The following HECW2 variants were observed in gnomAD, a reference collection of about 807,000 sequenced individuals.
HECW2 encodes E3 ubiquitin-protein ligase HECW2.
A neutral mutation model predicts 175.2 loss-of-function variants in HECW2; 61 were observed. The observed-to-expected ratio is 0.35, with a 90% CI of 0.28 to 0.43. The LOEUF (loss-of-function observed/expected upper bound fraction) is 0.43. Ranked by LOEUF, HECW2 falls within the 20% of genes least tolerant of loss-of-function variation. The probability of loss-of-function intolerance (pLI) is 1.00; values close to 1 mark genes in which losing one functional copy is unlikely to be tolerated. For synonymous variants in HECW2, 671 were observed against 731.0 expected (o/e 0.92, Z 1.32); for missense variants, 1,524 against 2,000.5 (o/e 0.76, Z 4.54).
At chr2:196,588,797 G>A (rs560693201) in intron 1 of HECW2, among the ~76,000 whole-genome samples, 1 of 152,264 alleles carries the variant, frequency 6.6e-6, no homozygotes, top group South Asian at 2.1e-4. Flanking sequence ...TCCTGGCACA[G>A]TCTCAGTTTA....
intron 28 of HECW2, among the ~76,000 whole-genome samples, chr2:196,203,560 A>G (rs1427818610): frequency 6.6e-6 from 1 of 152,174 alleles, no homozygotes; most frequent in Non-Finnish European, 1.5e-5. Flanking sequence ...ATGACACCAC[A>G]ATACTATTTT....
At chr2:196,435,492 T>TA (rs1403515643) in intron 1 of HECW2, among the ~76,000 whole-genome samples, 4 of 152,206 alleles carry the variant, frequency 2.6e-5, no homozygotes, top group African/African-American at 9.7e-5. Flanking sequence ...ATAACTAAAC[T>TA]ACTTCCCTGA....
intron 1 of HECW2, among the ~76,000 whole-genome samples, chr2:196,490,299 CATTTT>C (rs1309920080): frequency 3.3e-5 from 5 of 152,206 alleles, no homozygotes; most frequent in African/African-American, 1.2e-4. Context: ...TCTTTCCCTC[CATTTT>C]ATTTTCTCTC....
Position 196,438,173 on chromosome 2 carries a change from G to A in HECW2, c.-35-4715C>T, listed in dbSNP as rs373472525. The stretch of plus-strand genomic sequence containing the variant: ...GAGAATGAAGATGTAGGAAAGAGAG[G>A]AGACATAGTACAGAGCATGGCTACT... On this transcript the variant is annotated intron_variant, in intron 1 of 28. Coordinates refer to ENST00000644978, the MANE Select transcript of HECW2 (RefSeq NM_001348768.2). 9.1e-4 allele frequency among the ~76,000 whole-genome samples: 139 copies of A among 152,188 alleles called. 2 individuals carry two copies. In the Middle Eastern group the frequency reaches 0.024, roughly 26 times the overall value.
intron 1 of HECW2, among the ~76,000 whole-genome samples, chr2:196,455,058 G>A (rs774906220): frequency 6.4e-4 from 95 of 147,694 alleles, no homozygotes; most frequent in Non-Finnish European, 1.1e-3. Context: ...TTTTTGAGAC[G>A]GAGTCTCACT....
intron 28 of HECW2, 118 bp downstream of exon 28, chr2:196,215,747 A>G: frequency 1.5e-6 from 1 of 685,110 alleles, no homozygotes; most frequent in Non-Finnish European, 2.4e-6. Flanking sequence ...AATTCATTCT[A>G]AGAGCTTTTC....
chr2:196,592,790 G>C (rs1230686799), intron 1 of HECW2: 1 of 151,612 alleles, frequency 6.6e-6, no homozygotes, highest in Non-Finnish European at 1.5e-5. Flanking sequence ...TGCGCCCGTC[G>C]CCACAAGCTG....
At chr2:196,487,147 T>TAA (rs375017365) in intron 1 of HECW2, among the ~76,000 whole-genome samples, 149 of 123,884 alleles carry the variant, frequency 1.2e-3, no homozygotes, top group Middle Eastern at 4.1e-3. Context: ...AGACTCTGCC[T>TAA]AAAAAAAAAA....
chr2:196,377,771 A>G (rs1694092985), intron 2 of HECW2, among the ~76,000 whole-genome samples: 1 of 152,246 alleles, frequency 6.6e-6, no homozygotes, highest in African/African-American at 2.4e-5. Context: ...TCATGCAATA[A>G]CAATTGCAAC....
chr2:196,576,077 T>C (rs1449384224), intron 1 of HECW2, among the ~76,000 whole-genome samples: 18 of 149,160 alleles, frequency 1.2e-4, no homozygotes, highest in Admixed American at 1.2e-3. Context: ...TAACACCATA[T>C]TTTTACTATA....
At chr2:196,491,146 C>A (rs1282052779) in intron 1 of HECW2, among the ~76,000 whole-genome samples, 1 of 151,920 alleles carries the variant, frequency 6.6e-6, no homozygotes, top group Non-Finnish European at 1.5e-5. Flanking sequence ...AGTGTGAGTA[C>A]ACAGACCATT....
In HECW2 at chr2:196,199,002, A is replaced by G. The variant is rs1686773470; in HGVS notation, c.*2275T>C. On this transcript the variant is annotated 3_prime_UTR_variant, in exon 29 of 29. Transcript: ENST00000644978. ...TAAAGAAATATATTTGTTAGAAATAATTAAAGAGATACATTTTATTTCAAA... is the reference window on the plus strand; with the variant it reads ...TAAAGAAATATATTTGTTAGAAATAGTTAAAGAGATACATTTTATTTCAAA... The G allele has an allele frequency of 6.6e-6, 1 of 152,216 alleles. No homozygotes were observed. The highest frequency in any genetic ancestry group is 2.4e-5 in the African/African-American group (1 of 41,466). 9.4% of individuals were successfully genotyped at this position (152,216 alleles called of 1,614,324 possible).
At chr2:196,496,827 C>T (rs1559143382) in intron 1 of HECW2, among the ~76,000 whole-genome samples, 1 of 152,172 alleles carries the variant, frequency 6.6e-6, no homozygotes, top group Non-Finnish European at 1.5e-5. Context: ...GTTACTCAAA[C>T]GTTATGTCTC....
At chr2:196,262,809 C>G (rs975129739) in intron 17 of HECW2, among the ~76,000 whole-genome samples, 1 of 152,152 alleles carries the variant, frequency 6.6e-6, no homozygotes, top group African/African-American at 2.4e-5. Context: ...CCACCCACCT[C>G]GGCCTCCCAA....
intron 1 of HECW2, among the ~76,000 whole-genome samples, chr2:196,509,591 A>G (rs964654754): frequency 6.6e-6 from 1 of 152,236 alleles, no homozygotes; most frequent in Non-Finnish European, 1.5e-5. Flanking sequence ...GGGGATCCCA[A>G]GGATTTTAAA....
At chr2:196,514,757 A>G (rs73051084) in intron 1 of HECW2, among the ~76,000 whole-genome samples, 52,678 of 151,904 alleles carry the variant, frequency 0.35, 12,522 homozygotes, top group African/African-American at 0.68. Flanking sequence ...ACCTGCTTGC[A>G]GAAAGGAGCT....
At chr2:196,470,585 A>G (rs1021993471) in intron 1 of HECW2, among the ~76,000 whole-genome samples, 2 of 152,204 alleles carry the variant, frequency 1.3e-5, no homozygotes, top group Non-Finnish European at 2.9e-5. Context: ...AATTTTTTAA[A>G]TGAGGCATAA....
At chr2:196,470,999 T>A (rs1697173315) in intron 1 of HECW2, among the ~76,000 whole-genome samples, 1 of 146,726 alleles carries the variant, frequency 6.8e-6, no homozygotes, top group South Asian at 2.1e-4. Context: ...TTATTTCACA[T>A]CCACCAAATT....
At chr2:196,303,858 C>A (rs1410856706) in intron 13 of HECW2, among the ~76,000 whole-genome samples, 1 of 152,012 alleles carries the variant, frequency 6.6e-6, no homozygotes, top group Non-Finnish European at 1.5e-5. Context: ...TTTCTCCTAT[C>A]CCATATTCCA....
Sources: gnomAD v4.1 joint callset for allele counts (sites outside exome capture counted in the v4.1 genomes callset) on GRCh38, gnomAD v4.1.1 for gene constraint, MANE v1.5 for transcripts, NCBI Gene and HGNC (gene_info 2026-07-23, HGNC 2026-07-21) for gene names.